Variants in NUF2 observed in about 807,000 individuals in gnomAD.
The protein encoded by NUF2 is NUF2 component of NDC80 kinetochore complex.
Under a neutral mutation model 61.8 loss-of-function variants are expected in NUF2, and 34 were observed. That is an observed-to-expected ratio of 0.55 (90% CI 0.42 to 0.73). The LOEUF (loss-of-function observed/expected upper bound fraction) is 0.73. Among genes scored for constraint, NUF2 ranks in the 30% least tolerant of loss-of-function variants. NUF2 has a pLI of 0.00. For synonymous variants in NUF2, 172 were observed against 181.6 expected, an observed-to-expected ratio of 0.95 and a Z score of 0.42; for missense variants, 445 against 539.1, an observed-to-expected ratio of 0.83 and a Z score of 1.73.
intron 5 of NUF2, among the ~76,000 whole-genome samples, chr1:163,329,289 A>G (rs1650526018): frequency 6.6e-6 from 1 of 152,192 alleles, no homozygotes; most frequent in South Asian, 2.1e-4. Flanking sequence ...AAGAATAGTC[A>G]TAATGTTATA....
chr1:163,333,848 T>A (rs1571381574), intron 5 of NUF2, among the ~76,000 whole-genome samples: 2 of 152,196 alleles, frequency 1.3e-5, no homozygotes, highest in East Asian at 3.9e-4. Flanking sequence ...ATGTAGTGGG[T>A]ACAAGTCCAC....
chr1:163,323,933 A>G (rs886783866), intron 1 of NUF2, among the ~76,000 whole-genome samples: 9 of 152,078 alleles, frequency 5.9e-5, no homozygotes, highest in Admixed American at 3.3e-4. Context: ...CAAGACGGTC[A>G]TGATGAAGTT....
intron 1 of NUF2, chr1:163,323,204 GATA>G (rs1650296970): frequency 6.6e-6 from 1 of 152,166 alleles, no homozygotes; most frequent in Admixed American, 6.5e-5. Flanking sequence ...AGGAACAAGT[GATA>G]ATAATTATGA....
In NUF2 at chr1:163,339,370, G is replaced by A. The variant is rs1650864679; in HGVS notation, c.510-11G>A. 6.4e-7 allele frequency: 1 copy of A among 1,557,926 alleles called. No homozygotes were observed. The highest frequency in any genetic ancestry group is 1.4e-5 in the African/African-American group (1 of 73,740). On this transcript the variant is annotated splice_polypyrimidine_tract_variant and intron_variant, in intron 7 of 13. Transcript: ENST00000271452. ...GAAGAGCAGTATTTTAATCTATTTT[G>A]CTGTGTTAAGTTCTGTTCCAGTTGA...
At chr1:163,328,558 G>A in intron 4 of NUF2, 1 of 505,236 alleles carries the variant, frequency 2.0e-6, no homozygotes, top group East Asian at 3.1e-5. Flanking sequence ...TACCGTCTTT[G>A]TGAAGAGGTT....
At chr1:163,345,450 T>C (rs1037354136) in intron 10 of NUF2, among the ~76,000 whole-genome samples, 1 of 152,182 alleles carries the variant, frequency 6.6e-6, no homozygotes, top group Non-Finnish European at 1.5e-5. Context: ...AGTAAAATTA[T>C]GGCACTTTTC....
rs1474853143 is a variant in NUF2, at chr1:163,355,744, TA to T, written c.*276del. On this transcript the variant is annotated 3_prime_UTR_variant, in exon 14 of 14. Coordinates refer to ENST00000271452, the MANE Select transcript of NUF2 (RefSeq NM_145697.3). ...AAACTAGTTACCTTTGAAATATATATATTTTTTTCTGTTACTATCATGGCTG... is the reference window on the plus strand; with the variant it reads ...AAACTAGTTACCTTTGAAATATATATTTTTTTTCTGTTACTATCATGGCTG... The T allele has an allele frequency of 1.5e-5, 3 of 193,894 alleles. No homozygotes were observed. Among genetic ancestry groups the T allele is most frequent in the African/African-American group, 7.0e-5 (3 of 42,772 alleles). The allele number at this position is 193,894 out of a possible 1,614,324, so 12.0% of individuals were successfully genotyped here. A position where few individuals can be genotyped will look rare whatever the true frequency, so the allele number is the denominator to read the frequency against.
chr1:163,343,571 A>G (rs1323280904), intron 9 of NUF2, among the ~76,000 whole-genome samples, 162 bp from the exon 10 acceptor site: 2 of 152,192 alleles, frequency 1.3e-5, no homozygotes, highest in Non-Finnish European at 2.9e-5. Context: ...TCTTTGGCCT[A>G]TAGACAAATG....
chr1:163,324,900 CTT>C (rs67548511), intron 1 of NUF2, among the ~76,000 whole-genome samples: 4 of 122,964 alleles, frequency 3.3e-5, no homozygotes, highest in Admixed American at 8.0e-5. Context: ...TCTTTTCTTT[CTT>C]TTTTTTTTTT....
chr1:163,334,611 A>T (rs1650696530), intron 5 of NUF2, among the ~76,000 whole-genome samples: 1 of 152,084 alleles, frequency 6.6e-6, no homozygotes, highest in Admixed American at 6.5e-5. Flanking sequence ...TCCTTTTTCT[A>T]CAAAAAAAAT....
At chr1:163,349,859 A>G (rs1651253402) in intron 13 of NUF2, among the ~76,000 whole-genome samples, 2 of 151,836 alleles carry the variant, frequency 1.3e-5, no homozygotes, top group African/African-American at 4.8e-5. Flanking sequence ...AATGGTTGGG[A>G]TTTCACGTCC....
intron 13 of NUF2, among the ~76,000 whole-genome samples, chr1:163,350,785 T>C (rs1421161462): frequency 2.0e-5 from 3 of 152,194 alleles, no homozygotes; most frequent in Non-Finnish European, 4.4e-5. Flanking sequence ...GAAATGTGTT[T>C]TTTAATGTGG....
intron 5 of NUF2, among the ~76,000 whole-genome samples, chr1:163,336,378 C>G (rs1650760005): frequency 6.6e-6 from 1 of 152,156 alleles, no homozygotes; most frequent in Non-Finnish European, 1.5e-5. Flanking sequence ...ACTCTTCAGT[C>G]ATGGACTGGT....
At chr1:163,330,222 T>A (rs1323166080) in intron 5 of NUF2, among the ~76,000 whole-genome samples, 4 of 152,140 alleles carry the variant, frequency 2.6e-5, no homozygotes, top group African/African-American at 7.2e-5. Context: ...TGCAAGTTCA[T>A]CAGTTGTAAC....
At chr1:163,342,506 A>G (rs1650978282) in intron 9 of NUF2, among the ~76,000 whole-genome samples, 1 of 152,156 alleles carries the variant, frequency 6.6e-6, no homozygotes, top group South Asian at 2.1e-4. Flanking sequence ...AAATTACAGG[A>G]ATGCATTATA....
At chr1:163,354,978 CAG>C (rs1174576492) in intron 13 of NUF2, among the ~76,000 whole-genome samples, 1 of 151,890 alleles carries the variant, frequency 6.6e-6, no homozygotes, top group Non-Finnish European at 1.5e-5. Context: ...GGGTCAAATG[CAG>C]AGAGTATAGT....
At chr1:163,331,858 A>T (rs1557948294) in intron 5 of NUF2, among the ~76,000 whole-genome samples, 3 of 151,866 alleles carry the variant, frequency 2.0e-5, no homozygotes, top group Non-Finnish European at 4.4e-5. Flanking sequence ...TGTCATTAAT[A>T]ATTTGTTTAT....
At chr1:163,326,276 T>G in intron 2 of NUF2, 102 bp downstream of exon 2, 1 of 984,922 alleles carries the variant, frequency 1.0e-6, no homozygotes, top group South Asian at 2.0e-5. Flanking sequence ...TCCTATTTGA[T>G]GGAGACCAGT....
At chr1:163,322,281 A>C (rs1012277104) in intron 1 of NUF2, 69 bp downstream of exon 1, 1 of 152,256 alleles carries the variant, frequency 6.6e-6, no homozygotes, top group Non-Finnish European at 1.5e-5. Context: ...CTCAGTTCCT[A>C]CTAAACTAAC....
Sources: allele counts gnomAD v4.1 joint callset (sites outside exome capture counted in the v4.1 genomes callset), GRCh38; gene constraint gnomAD v4.1.1; transcripts MANE v1.5; gene names NCBI Gene and HGNC (gene_info 2026-07-23, HGNC 2026-07-21).